The following SPARCL1 variants were observed in gnomAD, a reference collection of about 807,000 sequenced individuals.
SPARCL1 encodes the protein SPARC like 1.
A neutral mutation model predicts 67.1 loss-of-function variants in SPARCL1; 52 were observed. The ratio of observed to expected loss-of-function variants is 0.78; its 90% CI spans 0.62 to 0.98. SPARCL1 has a LOEUF of 0.98. SPARCL1 is among the 50% of genes least tolerant of loss of function. The pLI is 0.00. For synonymous variants in SPARCL1, 226 were observed against 267.8 expected (o/e 0.84, Z 1.52); for missense variants, 717 against 782.4 (o/e 0.92, Z 1.00).
chr4:87,526,235 A>G (rs78185998), intron 1 of SPARCL1, among the ~76,000 whole-genome samples: 2,004 of 152,304 alleles, frequency 0.013, 48 homozygotes, highest in African/African-American at 0.046. Context: ...ATAGTAATAA[A>G]TACCTCGTGT....
chr4:87,476,255 G>T (rs1335041675), intron 10 of SPARCL1, among the ~76,000 whole-genome samples: 1 of 152,084 alleles, frequency 6.6e-6, no homozygotes, highest in Non-Finnish European at 1.5e-5. Context: ...TCTCTCACCT[G>T]TCTGCTCTCG....
rs181665591 is a variant in SPARCL1, at chr4:87,503,330, A to G, written c.-11-3745T>C. 2.2e-3 allele frequency among the ~76,000 whole-genome samples: 340 copies of G among 152,228 alleles called. 2 individuals carry two copies. Among genetic ancestry groups the G allele is most frequent in the Admixed American group, 8.4e-3 (128 of 15,290 alleles). ...GTGTGAATGGCTTCCTTCTTTGTCT[A>G]TGGCATCCTTCTCTGCAGACTCTTA... On this transcript the variant is annotated intron_variant, in intron 1 of 10. Coordinates refer to ENST00000282470, the MANE Select transcript of SPARCL1 (RefSeq NM_004684.6).
At chr4:87,484,332 A>T (rs1040274274) in intron 7 of SPARCL1, among the ~76,000 whole-genome samples, 1 of 147,898 alleles carries the variant, frequency 6.8e-6, no homozygotes, top group Non-Finnish European at 1.5e-5. Flanking sequence ...CCATTTATTA[A>T]ATAAGGAATC....
At chr4:87,482,334 G>T (rs905622779) in intron 8 of SPARCL1, 90 bp downstream of exon 8, 1 of 1,392,522 alleles carries the variant, frequency 7.2e-7, no homozygotes, top group Non-Finnish European at 9.9e-7. Flanking sequence ...GCTTTTGCCA[G>T]TATGCAGAGG....
chr4:87,490,020 C>T (rs1049088496), intron 7 of SPARCL1, among the ~76,000 whole-genome samples: 4 of 152,170 alleles, frequency 2.6e-5, no homozygotes, highest in African/African-American at 9.7e-5. Context: ...CCTGGCTGCA[C>T]ATTAGAATTG....
chr4:87,494,575 C>A lies in SPARCL1; in HGVS notation c.225G>T (p.Lys75Asn). Residue 75 changes from lysine (K) to asparagine (N), a missense_variant, in exon 4 of 11, where the codon AAG becomes AAT. Transcript: ENST00000282470. ...HHKAEKSSVL[K>N]SKEESHEQSA... ...ACTGTTCATGGCTTTCCTCTTTTGA[C>A]TTTAGTACTGATGATTTTTCAGCCT... 1 of 1,588,480 alleles carries A rather than the reference C, an allele frequency of 6.3e-7. No homozygotes were observed. The highest frequency in any genetic ancestry group is 8.5e-7 in the Non-Finnish European group (1 of 1,171,076).
intron 1 of SPARCL1, among the ~76,000 whole-genome samples, chr4:87,526,902 A>G (rs1726067345): frequency 6.6e-6 from 1 of 152,214 alleles, no homozygotes; most frequent in Non-Finnish European, 1.5e-5. Context: ...TGAGGTAGCT[A>G]CTGATTTTAT....
rs533558090 is a variant in SPARCL1 at position 87,496,200 on chromosome 4, TA to T, written c.55-1074del. 3.6e-3 allele frequency among the ~76,000 whole-genome samples: 543 copies of T among 152,226 alleles called. 1 individual carries two copies. Among genetic ancestry groups the T allele is most frequent in the South Asian group, 0.018 (88 of 4,830 alleles). ...CAGGTCGTTAATATTTTTTATTAATTAAAAAACATTAATAAAATTAATTCAT... is the reference window on the plus strand; with the variant it reads ...CAGGTCGTTAATATTTTTTATTAATTAAAAACATTAATAAAATTAATTCAT... On this transcript the variant is annotated intron_variant, in intron 2 of 10. Coordinates refer to ENST00000282470, the MANE Select transcript of SPARCL1 (RefSeq NM_004684.6).
intron 1 of SPARCL1, among the ~76,000 whole-genome samples, chr4:87,500,303 C>G (rs1314071066): frequency 6.6e-6 from 1 of 152,106 alleles, no homozygotes; most frequent in Non-Finnish European, 1.5e-5. Flanking sequence ...TTGGTATTTG[C>G]CTTTCATTTG....
At chr4:87,510,094 T>A (rs1190272526) in intron 1 of SPARCL1, among the ~76,000 whole-genome samples, 1 of 152,234 alleles carries the variant, frequency 6.6e-6, no homozygotes, top group Non-Finnish European at 1.5e-5. Context: ...AATTTAATTA[T>A]GTTAAAAGCA....
At chr4:87,504,524 G>A (rs938448516) in intron 1 of SPARCL1, among the ~76,000 whole-genome samples, 3 of 152,126 alleles carry the variant, frequency 2.0e-5, no homozygotes. Flanking sequence ...CCAGGATGTG[G>A]CAGATGAAGA....
intron 1 of SPARCL1, chr4:87,504,926 AAAC>A (rs1438662226): frequency 6.6e-6 from 1 of 152,252 alleles, no homozygotes; most frequent in African/African-American, 2.4e-5. Flanking sequence ...CTTATGGCCT[AAAC>A]AAGGCAAAAA....
intron 10 of SPARCL1, among the ~76,000 whole-genome samples, chr4:87,477,642 T>C (rs1723633880): frequency 6.6e-6 from 1 of 152,192 alleles, no homozygotes; most frequent in Non-Finnish European, 1.5e-5. Flanking sequence ...CACGATGGGA[T>C]ACTGAAGGCT....
intron 1 of SPARCL1, among the ~76,000 whole-genome samples, chr4:87,509,971 A>C (rs1209170096): frequency 6.6e-6 from 1 of 152,194 alleles, no homozygotes; most frequent in African/African-American, 2.4e-5. Context: ...GAGTGGAGAA[A>C]AGAGGGATAG....
Position 87,511,967 on chromosome 4 carries a change from C to CTTTTTTTTTT in SPARCL1, c.-11-12392_-11-12383dup, listed in dbSNP as rs3037337. 2.8e-4 allele frequency among the ~76,000 whole-genome samples: 34 copies of CTTTTTTTTTT among 121,542 alleles called. 1 individual carries two copies. The East Asian group carries it at 5.5e-3, about 20-fold the overall frequency. 79.7% of individuals were successfully genotyped at this position (121,542 alleles called of 152,430 possible). ...TTCCTTTCCTTTCCTCTTTCTTTCT[C>CTTTTTTTTTT]TTTTTTTTTTTTTTTGAGACAGAGT... On this transcript the variant is annotated intron_variant, in intron 1 of 10. Coordinates refer to ENST00000282470, the MANE Select transcript of SPARCL1 (RefSeq NM_004684.6).
chr4:87,526,803 C>T (rs1205526599), intron 1 of SPARCL1, among the ~76,000 whole-genome samples: 1 of 152,196 alleles, frequency 6.6e-6, no homozygotes, highest in Admixed American at 6.5e-5. Context: ...TATAGTTAGT[C>T]CAGTACTTTC....
At chr4:87,501,489 A>C (rs1368053886) in intron 1 of SPARCL1, among the ~76,000 whole-genome samples, 2 of 152,166 alleles carry the variant, frequency 1.3e-5, no homozygotes, top group East Asian at 3.8e-4. Flanking sequence ...GAATAGATAT[A>C]GAATTCTAGA....
At chr4:87,489,604 G>A (rs1294103647) in intron 7 of SPARCL1, among the ~76,000 whole-genome samples, 3 of 152,226 alleles carry the variant, frequency 2.0e-5, no homozygotes, top group East Asian at 1.9e-4. Context: ...TGGTGGCAAA[G>A]GAGCAGAGGA....
intron 1 of SPARCL1, among the ~76,000 whole-genome samples, chr4:87,519,598 G>C (rs1239547954): frequency 6.6e-6 from 1 of 152,052 alleles, no homozygotes; most frequent in African/African-American, 2.4e-5. Context: ...GAACCTATTA[G>C]TTGACTGCAT....
Sources: gnomAD v4.1 joint callset for allele counts (sites outside exome capture counted in the v4.1 genomes callset) on GRCh38, gnomAD v4.1.1 for gene constraint, MANE v1.5 for transcripts, NCBI Gene and HGNC (gene_info 2026-07-23, HGNC 2026-07-21) for gene names.